Variants in PREPL observed in about 807,000 individuals in gnomAD.
The protein encoded by PREPL is prolyl endopeptidase like, also known as prolyl endopeptidase-like.
A neutral mutation model predicts 70.6 loss-of-function variants in PREPL; 77 were observed. The observed-to-expected ratio is 1.09, with a 90% confidence interval of 0.91 to 1.32. The LOEUF (loss-of-function observed/expected upper bound fraction) is 1.32. PREPL is among the 40% of genes most tolerant of loss of function. The pLI, the probability that PREPL is intolerant of heterozygous loss-of-function variation, is 0.00. For missense variants in PREPL, 1,002 were observed against 778.2 expected, an observed-to-expected ratio of 1.29 and a Z score of -3.42; for synonymous variants, 315 against 264.8, an observed-to-expected ratio of 1.19 and a Z score of -1.84.
At position 44,321,873 on chromosome 2, in the gene PREPL, T is replaced by A. The variant is rs1672992919; in HGVS notation, c.1781A>T (p.Asp594Val). The A allele has an allele frequency of 1.2e-6, 2 of 1,613,638 alleles. No homozygotes were observed. Among genetic ancestry groups the A allele is most frequent in the Non-Finnish European group, 1.7e-6 (2 of 1,179,634 alleles). Residue 594 changes from aspartate to valine, a missense_variant, in exon 13 of 14, where the codon GAT (aspartate) becomes GTT (valine). Transcript: ENST00000409411. ...TACATGATTGCCTCCAGGCTGAATA[T>A]CTAGAATAATATTAGGGGTCTGATA... ...EGYQTPNIIL[D>V]IQPGGNHVIE...
chr2:44,344,231 T>A (rs1167679298), intron 3 of PREPL, among the ~76,000 whole-genome samples: 1 of 152,066 alleles, frequency 6.6e-6, no homozygotes, highest in Non-Finnish European at 1.5e-5. Context: ...ACCTAGAAAG[T>A]AAGTGAATAT....
intron 5 of PREPL, among the ~76,000 whole-genome samples, chr2:44,341,078 C>G (rs1675171742): frequency 6.6e-6 from 1 of 151,848 alleles, no homozygotes; most frequent in Non-Finnish European, 1.5e-5. Flanking sequence ...CTGCTACTAC[C>G]CTTTGTAATT....
intron 1 of PREPL, among the ~76,000 whole-genome samples, chr2:44,352,194 G>A (rs769058212): frequency 6.6e-6 from 1 of 152,000 alleles, no homozygotes; most frequent in Non-Finnish European, 1.5e-5. Context: ...CATCTTCCCC[G>A]TCTTTTTTTT....
At chr2:44,352,238 C>T (rs981367254) in intron 1 of PREPL, among the ~76,000 whole-genome samples, 2 of 152,000 alleles carry the variant, frequency 1.3e-5, no homozygotes, top group African/African-American at 2.4e-5. Flanking sequence ...CGCTTTTGAC[C>T]CACTTTGTAT....
At position 44,359,067 on chromosome 2, in the gene PREPL, CTTT is replaced by C. The variant is rs35700374; in HGVS notation, c.-49+2310_-49+2312del. 1.7e-3 allele frequency among the ~76,000 whole-genome samples: 157 copies of C among 94,472 alleles called. 1 individual carries two copies. Among genetic ancestry groups the C allele is most frequent in the African/African-American group, 5.8e-3 (142 of 24,388 alleles). 62.0% of individuals were successfully genotyped at this position (94,472 alleles called of 152,430 possible). On this transcript the variant is annotated intron_variant, in intron 1 of 13. Transcript: ENST00000409411. ...AGAGCCCTATAAATATATGTATACA[CTTT>C]TTTTTTTTTTTTTTTTTTCAGACAG...
Position 44,321,384 on chromosome 2 carries a change from T to C in PREPL, c.1889A>G (p.Glu630Gly). The C allele has an allele frequency of 6.2e-7, 1 of 1,612,260 alleles. No individual in the cohort carries two copies. Among genetic ancestry groups the C allele is most frequent in the Non-Finnish European group, 8.5e-7 (1 of 1,178,494 alleles). ...GAATTTCAGGTATTTCTTAAGATCC[T>C]CGAAAACACTGGTGCTGTCAAGTCC... ...ELGLDSTSVF[E>G]DLKKYLKF Residue 630 changes from glutamate to glycine, a missense_variant, in exon 14 of 14, where the codon GAG becomes GGG. By Grantham distance (98) the Glu-to-Gly change is moderately conservative. Transcript: ENST00000409411.
intron 13 of PREPL, 123 bp downstream of exon 13, chr2:44,321,704 T>A (rs1208256497): frequency 6.3e-7 from 1 of 1,582,578 alleles, no homozygotes; most frequent in Admixed American, 1.8e-5. Context: ...CTCCTGGGTC[T>A]CACCCATAGA....
At chr2:44,322,026 AACC>A in intron 12 of PREPL, 126 bp from the exon 13 acceptor site, 1 of 927,594 alleles carries the variant, frequency 1.1e-6, no homozygotes, top group African/African-American at 1.7e-5. Context: ...AAAAAGCAAA[AACC>A]ACCATCATCA....
chr2:44,330,079 T>A (rs1324168204), intron 8 of PREPL, among the ~76,000 whole-genome samples: 1 of 151,926 alleles, frequency 6.6e-6, no homozygotes, highest in Non-Finnish European at 1.5e-5. Context: ...ATACCCAAGT[T>A]GTTATGACAT....
chr2:44,348,568 T>G (rs574281907), intron 1 of PREPL, among the ~76,000 whole-genome samples: 1 of 152,208 alleles, frequency 6.6e-6, no homozygotes, highest in Non-Finnish European at 1.5e-5. Context: ...CTGAGAGTCA[T>G]AGCCAACACA....
intron 1 of PREPL, 142 bp downstream of exon 1, chr2:44,361,238 G>C (rs1239105597): frequency 6.6e-6 from 1 of 152,378 alleles, no homozygotes; most frequent in Admixed American, 6.5e-5. Context: ...CGATCTGAAT[G>C]CAACAGGGAG....
intron 5 of PREPL, among the ~76,000 whole-genome samples, chr2:44,341,361 G>A (rs760112232): frequency 1.1e-4 from 17 of 152,030 alleles, no homozygotes; most frequent in Non-Finnish European, 2.5e-4. Context: ...GTTATTCTAA[G>A]CTCTATTATT....
At chr2:44,357,638 G>A (rs904931410) in intron 1 of PREPL, among the ~76,000 whole-genome samples, 5 of 152,270 alleles carry the variant, frequency 3.3e-5, no homozygotes, top group African/African-American at 1.2e-4. Flanking sequence ...ACAAATGGAG[G>A]GAAGAAATAG....
chr2:44,348,637 T>A (rs1558513963), intron 1 of PREPL, among the ~76,000 whole-genome samples: 1 of 152,164 alleles, frequency 6.6e-6, no homozygotes, highest in East Asian at 1.9e-4. Context: ...CATTCCTTCC[T>A]GATTAACATT....
At chr2:44,341,516 G>A (rs1408224606) in intron 5 of PREPL, among the ~76,000 whole-genome samples, 1 of 151,958 alleles carries the variant, frequency 6.6e-6, no homozygotes, top group African/African-American at 2.4e-5. Context: ...TTAGTTTGGT[G>A]ATGACAAATT....
At chr2:44,323,552 T>A in intron 10 of PREPL, 141 bp from the exon 11 acceptor site, 1 of 605,436 alleles carries the variant, frequency 1.7e-6, no homozygotes, top group Non-Finnish European at 2.6e-6. Context: ...GCTAGAATAC[T>A]CAGTCCTTAA....
intron 1 of PREPL, among the ~76,000 whole-genome samples, chr2:44,358,023 A>T (rs1184681755): frequency 6.6e-6 from 1 of 152,238 alleles, no homozygotes; most frequent in Non-Finnish European, 1.5e-5. Flanking sequence ...AAATGTTAAA[A>T]GCAAAAGAGA....
chr2:44,333,592 A>T (rs1183988075), intron 7 of PREPL, among the ~76,000 whole-genome samples: 1 of 151,374 alleles, frequency 6.6e-6, no homozygotes, highest in Non-Finnish European at 1.5e-5. Flanking sequence ...AACTACAGCC[A>T]GAGTTTACGT....
intron 1 of PREPL, among the ~76,000 whole-genome samples, chr2:44,349,751 T>A (rs956775984): frequency 6.6e-6 from 1 of 151,534 alleles, no homozygotes; most frequent in Non-Finnish European, 1.5e-5. Flanking sequence ...GATCACGAGG[T>A]CAAGAAAAAA....
Sources: gnomAD v4.1 joint callset for allele counts (sites outside exome capture counted in the v4.1 genomes callset) on GRCh38, gnomAD v4.1.1 for gene constraint, MANE v1.5 for transcripts, NCBI Gene and HGNC (gene_info 2026-07-23, HGNC 2026-07-21) for gene names.